Variants in SAYSD1 observed in about 807,000 individuals in gnomAD.
SAYSD1 encodes SAYSvFN domain-containing protein 1.
A neutral mutation model predicts 14.5 loss-of-function variants in SAYSD1; 15 were observed. That is an observed-to-expected ratio of 1.03 (90% CI 0.69 to 1.59). SAYSD1 has a LOEUF of 1.59. Among genes scored for constraint, SAYSD1 ranks in the 40% most tolerant of loss-of-function variants. The pLI is 0.00. For missense variants in SAYSD1, 247 were observed against 227.3 expected (o/e 1.09, Z -0.56); for synonymous variants, 105 against 102.6 (o/e 1.02, Z -0.14).
At chr6:39,107,229 T>TTCCG (rs1769523106) in intron 1 of SAYSD1, among the ~76,000 whole-genome samples, 1 of 152,190 alleles carries the variant, frequency 6.6e-6, no homozygotes, top group African/African-American at 2.4e-5. Flanking sequence ...AAGCCTAGAA[T>TTCCG]TCCGTCCACT....
chr6:39,109,261 G>A, intron 1 of SAYSD1: 1 of 1,498,996 alleles, frequency 6.7e-7, no homozygotes, highest in South Asian at 1.2e-5. Flanking sequence ...GCTTGCCTGG[G>A]ATATGGCTGG....
chr6:39,106,134 C>T (rs552651423), intron 1 of SAYSD1, among the ~76,000 whole-genome samples: 30 of 152,260 alleles, frequency 2.0e-4, no homozygotes, highest in Admixed American at 1.9e-3. Flanking sequence ...ACAAATGCTT[C>T]AAATACAGAG....
rs181991702 is a variant in SAYSD1, at chr6:39,105,449, G to T, written c.535C>A (p.Pro179Thr). 5.6e-5 allele frequency: 91 copies of T among 1,614,154 alleles called. No individual in the cohort carries two copies. The highest frequency in any genetic ancestry group is 6.9e-5 in the Non-Finnish European group (82 of 1,180,004). The change falls in exon 2 of 2, where the codon CCC (proline) becomes ACC (threonine). Residue 179 changes from proline (P) to threonine (T), a missense_variant. Pro to Thr is a conservative substitution (Grantham distance 38). Transcript: ENST00000229903. Reference protein sequence around the residue: ...EQLERELQLRPLAGR With the variant: ...EQLERELQLRTLAGR ...GCTGGGTCCTATCTCCCTGCCAGGG[G>T]TCTCAACTGTAACTCGCGCTCCAAC...
intron 1 of SAYSD1, among the ~76,000 whole-genome samples, chr6:39,109,932 T>G: frequency 6.6e-6 from 1 of 152,136 alleles, no homozygotes; most frequent in East Asian, 1.9e-4. Flanking sequence ...GGATGAAGAG[T>G]ATTCCATTTG....
intron 1 of SAYSD1, chr6:39,109,695 G>C (rs574975261): frequency 2.1e-6 from 2 of 966,086 alleles, no homozygotes; most frequent in South Asian, 6.0e-5. Flanking sequence ...TCCTCTACCA[G>C]GCTCATTTCC....
intron 1 of SAYSD1, chr6:39,113,267 C>T (rs886181224): frequency 6.6e-6 from 1 of 152,012 alleles, no homozygotes; most frequent in Non-Finnish European, 1.5e-5. Context: ...AGTATGTAAA[C>T]CTTATTTCAA....
intron 1 of SAYSD1, chr6:39,113,166 T>C (rs936577217): frequency 2.0e-5 from 3 of 152,186 alleles, no homozygotes; most frequent in Non-Finnish European, 4.4e-5. Context: ...CTTGGAGTGA[T>C]AGAGACGTTC....
chr6:39,107,067 ATCT>A lies in SAYSD1; in HGVS notation c.208-1294_208-1292del, dbSNP rs1311551693. Among the ~76,000 whole-genome samples the A allele has an allele frequency of 2.0e-5, 3 of 152,268 alleles. No individual in the cohort carries two copies. The South Asian group carries it at 6.2e-4, about 32-fold the overall frequency. ...AAAAACATTTTTAATAGGGAACAAG[ATCT>A]TCTATATTAATTTCACCATCCACTA... On this transcript the variant is annotated intron_variant, in intron 1 of 1. Coordinates refer to ENST00000229903, the MANE Select transcript of SAYSD1 (RefSeq NM_018322.3).
chr6:39,104,174 T>C lies in SAYSD1; in HGVS notation c.*1258A>G, dbSNP rs1012156305. ...TGGAAGAAAAGACTTTTCTGTGAGA[T>C]AGAACAGACCATCTGCTTGACCGGA... On this transcript the variant is annotated 3_prime_UTR_variant, in exon 2 of 2. Coordinates refer to ENST00000229903, the MANE Select transcript of SAYSD1 (RefSeq NM_018322.3). 1.3e-5 allele frequency: 2 copies of C among 152,020 alleles called. No individual in the cohort carries two copies. Among genetic ancestry groups the C allele is most frequent in the Non-Finnish European group, 2.9e-5 (2 of 68,034 alleles). The allele number at this position is 152,020 out of a possible 1,614,324, so 9.4% of individuals were successfully genotyped here.
intron 1 of SAYSD1, among the ~76,000 whole-genome samples, chr6:39,107,115 G>A (rs955959524): frequency 6.6e-6 from 1 of 152,114 alleles, no homozygotes; most frequent in African/African-American, 2.4e-5. Context: ...AGTGGTCTAG[G>A]AAATTCCATG....
chr6:39,105,347 A>T lies in SAYSD1; in HGVS notation c.*85T>A. The T allele has an allele frequency of 3.5e-6, 4 of 1,141,278 alleles. No individual in the cohort carries two copies. Among genetic ancestry groups the T allele is most frequent in the Non-Finnish European group, 5.1e-6 (4 of 785,434 alleles). 70.7% of individuals were successfully genotyped at this position (1,141,278 alleles called of 1,614,324 possible). A position where few individuals can be genotyped will look rare whatever the true frequency, so the allele number is the denominator to read the frequency against. ...CAGAGCTAACCCGCAAGCTGCCCTT[A>T]GTCCTATACACCTGAAATCAAATCC... On this transcript the variant is annotated 3_prime_UTR_variant, in exon 2 of 2. Transcript: ENST00000229903.
At chr6:39,111,168 T>C (rs987869066) in intron 1 of SAYSD1, 10 of 152,000 alleles carry the variant, frequency 6.6e-5, no homozygotes, top group Admixed American at 3.9e-4. Flanking sequence ...GGAAAAAATA[T>C]ATAGTAAATG....
chr6:39,106,978 C>A lies in SAYSD1; in HGVS notation c.208-1202G>T, dbSNP rs569952658. On this transcript the variant is annotated intron_variant, in intron 1 of 1. Transcript: ENST00000229903. ...TGTAATCCAGAATACATATATGCAA[C>A]AAAGTTTCACAAGTCAACACTTACC... Among the ~76,000 whole-genome samples, 367 of 152,316 alleles carry A rather than the reference C, an allele frequency of 2.4e-3. 2 individuals are homozygous for A. The highest frequency in any genetic ancestry group is 4.2e-3 in the Non-Finnish European group (289 of 68,030).
chr6:39,109,382 C>G (rs1769582942), intron 1 of SAYSD1: 3 of 1,550,648 alleles, frequency 1.9e-6, no homozygotes, highest in South Asian at 1.2e-5. Context: ...TTTCTCCAAG[C>G]AAAATCTGGT....
Position 39,114,891 on chromosome 6 carries a change from G to A in SAYSD1, c.199C>T (p.Leu67=), listed in dbSNP as rs1769709040. 1.2e-6 allele frequency: 2 copies of A among 1,612,310 alleles called. No homozygotes were observed. The highest frequency in any genetic ancestry group is 1.7e-6 in the Non-Finnish European group (2 of 1,179,838). ...RPASARAQPG[L]VQEAAQPQGS... is the part of the protein sequence containing the mutation. The stretch of plus-strand genomic sequence containing the variant: ...AGTTTCCATCGTCTCACCTGAACTA[G>A]GCCGGGCTGGGCCCGGGCACTCGCG... Residue 67 remains leucine, a synonymous_variant, in exon 1 of 2, where the codon CTA becomes TTA. Coordinates refer to ENST00000229903, the MANE Select transcript of SAYSD1 (RefSeq NM_018322.3).
At chr6:39,107,894 A>T (rs907084048) in intron 1 of SAYSD1, among the ~76,000 whole-genome samples, 8 of 152,152 alleles carry the variant, frequency 5.3e-5, no homozygotes, top group African/African-American at 1.9e-4. Flanking sequence ...TGGGAGCCAG[A>T]TAAAGTAGGG....
At chr6:39,110,179 T>C (rs1023298256) in intron 1 of SAYSD1, 3 of 152,298 alleles carry the variant, frequency 2.0e-5, no homozygotes. Flanking sequence ...GAATGAATAC[T>C]ACAGTTTCTG....
At chr6:39,106,270 G>A (rs1429265450) in intron 1 of SAYSD1, among the ~76,000 whole-genome samples, 2 of 152,090 alleles carry the variant, frequency 1.3e-5, no homozygotes, top group East Asian at 3.9e-4. Context: ...GTGCACACCT[G>A]TAATCCCAGC....
Position 39,105,434 on chromosome 6 carries a change from A to G in SAYSD1, c.550T>C (p.Ter184GlnextTer9). 1 of 1,613,716 alleles carries G rather than the reference A, an allele frequency of 6.2e-7. No homozygotes were observed. The highest frequency in any genetic ancestry group is 1.1e-5 in the South Asian group (1 of 91,060). ...ELQLRPLAGR* is the reference protein window; with the variant it reads ...ELQLRPLAGRQ ...CTGCATGACAGCACAGCTGGGTCCT[A>G]TCTCCCTGCCAGGGGTCTCAACTGT... Residue 184 changes from the stop codon to glutamine, a stop_lost, in exon 2 of 2, where the codon TAG becomes CAG. Transcript: ENST00000229903.
Sources: gnomAD v4.1 joint callset for allele counts (sites outside exome capture counted in the v4.1 genomes callset) on GRCh38, gnomAD v4.1.1 for gene constraint, MANE v1.5 for transcripts, NCBI Gene and HGNC (gene_info 2026-07-23, HGNC 2026-07-21) for gene names.